Variants in WWOX observed in about 807,000 individuals in gnomAD.
The protein encoded by WWOX is WW domain-containing oxidoreductase.
In WWOX, 69 loss-of-function variants were observed where a neutral mutation model predicts 46.2. That is an observed-to-expected ratio of 1.49 (90% CI 1.23 to 1.82). The LOEUF (loss-of-function observed/expected upper bound fraction) is 1.82, where lower values mean the gene tolerates loss of function less well. WWOX is among the 40% of genes most tolerant of loss of function. The pLI, the probability that WWOX is intolerant of heterozygous loss-of-function variation, is 0.00. For missense variants in WWOX, 919 were observed against 542.6 expected (o/e 1.69, Z -6.89); for synonymous variants, 359 against 202.6 (o/e 1.77, Z -6.56).
At chr16:78,591,594 T>A (rs2045353694) in intron 8 of WWOX, among the ~76,000 whole-genome samples, 1 of 152,210 alleles carries the variant, frequency 6.6e-6, no homozygotes, top group African/African-American at 2.4e-5. Context: ...CCATCATTTA[T>A]CTTCTCTGTA....
intron 8 of WWOX, among the ~76,000 whole-genome samples, chr16:79,119,844 G>A (rs2049592382): frequency 1.3e-5 from 2 of 152,216 alleles, no homozygotes; most frequent in African/African-American, 2.4e-5. Context: ...CCCAGAGCCA[G>A]CAAACAAGAC....
At chr16:79,160,299 G>A (rs1205165438) in intron 8 of WWOX, among the ~76,000 whole-genome samples, 2 of 152,164 alleles carry the variant, frequency 1.3e-5, no homozygotes. Flanking sequence ...GAGAAAGAAG[G>A]AAGATAGACT....
chr16:78,270,333 A>G (rs1212062667), intron 5 of WWOX: 1 of 152,178 alleles, frequency 6.6e-6, no homozygotes, highest in East Asian at 1.9e-4. Flanking sequence ...CAAGGTACAG[A>G]TAGTGTCTCC....
chr16:78,809,324 AAAAAAGAAAAAACC>A (rs1244098058), intron 8 of WWOX, among the ~76,000 whole-genome samples: 1 of 151,714 alleles, frequency 6.6e-6, no homozygotes, highest in African/African-American at 2.4e-5. Flanking sequence ...AAAAAAAAAA[AAAAAAGAAAAAACC>A]ACCGTGGTAT....
At chr16:79,025,767 C>G (rs1220099990) in intron 8 of WWOX, among the ~76,000 whole-genome samples, 1 of 149,232 alleles carries the variant, frequency 6.7e-6, no homozygotes, top group Non-Finnish European at 1.5e-5. Context: ...CTTCATCTCC[C>G]CTGTTGCCGT....
intron 5 of WWOX, among the ~76,000 whole-genome samples, chr16:78,194,879 GT>G (rs1463204092): frequency 6.6e-5 from 10 of 152,170 alleles, no homozygotes; most frequent in African/African-American, 2.4e-4. Flanking sequence ...TGTCTTACGT[GT>G]TCCATTTCTT....
intron 8 of WWOX, among the ~76,000 whole-genome samples, chr16:78,577,607 G>A (rs927488615): frequency 2.0e-5 from 3 of 152,102 alleles, no homozygotes; most frequent in Non-Finnish European, 2.9e-5. Flanking sequence ...TGCTTTCTGG[G>A]CTTTGGTTCC....
intron 8 of WWOX, among the ~76,000 whole-genome samples, chr16:78,606,210 C>A (rs1328812774): frequency 6.6e-6 from 1 of 152,188 alleles, no homozygotes; most frequent in South Asian, 2.1e-4. Context: ...TGTAAAAACA[C>A]ATACTTCTTT....
intron 8 of WWOX, among the ~76,000 whole-genome samples, chr16:78,524,387 C>CATTTATTT (rs932217035): frequency 1.2e-4 from 11 of 95,068 alleles, no homozygotes; most frequent in South Asian, 9.5e-4. Flanking sequence ...CTAGAGATTT[C>CATTTATTT]ATTTATTTAT....
At chr16:78,509,926 A>T (rs370368218) in intron 8 of WWOX, among the ~76,000 whole-genome samples, 1 of 9,752 alleles carries the variant, frequency 1.0e-4, no homozygotes, top group Non-Finnish European at 3.6e-4. Context: ...CATCTCTTTA[A>T]AAAAAAAAAA....
At chr16:78,410,968 G>A (rs1397972517) in intron 6 of WWOX, among the ~76,000 whole-genome samples, 1 of 152,156 alleles carries the variant, frequency 6.6e-6, no homozygotes, top group Non-Finnish European at 1.5e-5. Context: ...GCGAACCTCA[G>A]TTCCCTGCCA....
intron 8 of WWOX, among the ~76,000 whole-genome samples, chr16:78,758,299 G>T (rs893549222): frequency 6.6e-6 from 1 of 152,074 alleles, no homozygotes; most frequent in Non-Finnish European, 1.5e-5. Context: ...TGTTCTCTTT[G>T]GGCAAATGGA....
At chr16:78,846,280 G>A (rs1453403176) in intron 8 of WWOX, among the ~76,000 whole-genome samples, 1 of 152,158 alleles carries the variant, frequency 6.6e-6, no homozygotes, top group Non-Finnish European at 1.5e-5. Flanking sequence ...TTGTTATGAT[G>A]CTATTAACTA....
chr16:78,925,705 C>A (rs1477210845), intron 8 of WWOX, among the ~76,000 whole-genome samples: 1 of 152,118 alleles, frequency 6.6e-6, no homozygotes, highest in South Asian at 2.1e-4. Context: ...GAAGGGAAGT[C>A]TCCACCTTCC....
chr16:78,413,309 T>A (rs1399782235), intron 6 of WWOX, among the ~76,000 whole-genome samples: 1 of 152,082 alleles, frequency 6.6e-6, no homozygotes, highest in Non-Finnish European at 1.5e-5. Context: ...CCAAACAGGG[T>A]TTGTGTGAAC....
intron 8 of WWOX, among the ~76,000 whole-genome samples, chr16:78,651,906 TGAGA>T (rs919692045): frequency 6.6e-6 from 1 of 151,520 alleles, no homozygotes; most frequent in African/African-American, 2.4e-5. Flanking sequence ...CCATAGGGAG[TGAGA>T]GAGAGTGTAA....
At chr16:78,906,348 G>T (rs760342745) in intron 8 of WWOX, among the ~76,000 whole-genome samples, 1 of 152,166 alleles carries the variant, frequency 6.6e-6, no homozygotes, top group Non-Finnish European at 1.5e-5. Flanking sequence ...AGAAAGCCCG[G>T]CTGGAAGTGC....
At chr16:78,761,566 G>C (rs760605511) in intron 8 of WWOX, among the ~76,000 whole-genome samples, 2 of 152,018 alleles carry the variant, frequency 1.3e-5, no homozygotes, top group Non-Finnish European at 2.9e-5. Flanking sequence ...TGGGCTCACA[G>C]CTCTTGACCT....
At chr16:79,039,439 GCTTC>G (rs1306494897) in intron 8 of WWOX, among the ~76,000 whole-genome samples, 1 of 152,146 alleles carries the variant, frequency 6.6e-6, no homozygotes, top group Non-Finnish European at 1.5e-5. Flanking sequence ...AGGAGGAGCA[GCTTC>G]CTCCTGGGCA....
Sources: allele counts gnomAD v4.1 joint callset (sites outside exome capture counted in the v4.1 genomes callset), GRCh38; gene constraint gnomAD v4.1.1; transcripts MANE v1.5; gene names NCBI Gene and HGNC (gene_info 2026-07-23, HGNC 2026-07-21).